The following PPP1R16B variants were observed in gnomAD, a reference collection of about 807,000 sequenced individuals.
PPP1R16B encodes the protein protein phosphatase 1 regulatory subunit 16B, also known as protein phosphatase 1 regulatory inhibitor subunit 16B.
Under a neutral mutation model 61.7 loss-of-function variants are expected in PPP1R16B, and 14 were observed. The ratio of observed to expected loss-of-function variants is 0.23; its 90% CI spans 0.15 to 0.35. The LOEUF is 0.35. Ranked by LOEUF, PPP1R16B falls within the 10% of genes least tolerant of loss-of-function variation. PPP1R16B has a pLI of 1.00. For missense variants in PPP1R16B, 547 were observed against 752.5 expected (o/e 0.73, Z 3.19); for synonymous variants, 266 against 305.3 (o/e 0.87, Z 1.34).
intron 2 of PPP1R16B, chr20:38,838,022 C>T (rs982906839): frequency 3.9e-5 from 6 of 152,242 alleles, no homozygotes; most frequent in African/African-American, 1.4e-4. Flanking sequence ...GGTTCAGAAC[C>T]TTGACCAAGG....
chr20:38,844,663 G>T (rs1011458612), intron 2 of PPP1R16B, among the ~76,000 whole-genome samples: 6 of 152,140 alleles, frequency 3.9e-5, no homozygotes, highest in Non-Finnish European at 7.4e-5. Flanking sequence ...AAGGGAAACT[G>T]GTATTGATTT....
At chr20:38,834,036 C>A (rs1302071055) in intron 1 of PPP1R16B, among the ~76,000 whole-genome samples, 1 of 152,200 alleles carries the variant, frequency 6.6e-6, no homozygotes, top group African/African-American at 2.4e-5. Flanking sequence ...CCATTCTTTC[C>A]TGTTACCCAA....
At chr20:38,897,246 G>A (rs1319536322) in intron 4 of PPP1R16B, among the ~76,000 whole-genome samples, 2 of 152,170 alleles carry the variant, frequency 1.3e-5, no homozygotes, top group African/African-American at 2.4e-5. Context: ...AGAATCGCTC[G>A]AACCCAGGAG....
At chr20:38,826,384 CT>C (rs2084805419) in intron 1 of PPP1R16B, among the ~76,000 whole-genome samples, 1 of 152,196 alleles carries the variant, frequency 6.6e-6, no homozygotes, top group Non-Finnish European at 1.5e-5. Context: ...GTGTGTGCCC[CT>C]GTCCTTGGCA....
Position 38,918,057 on chromosome 20 carries a change from A to G in PPP1R16B, c.1195-100A>G. 8 of 1,454,136 alleles carry G rather than the reference A, an allele frequency of 5.5e-6. No homozygotes were observed. The highest frequency in any genetic ancestry group is 7.5e-6 in the Non-Finnish European group (8 of 1,068,726). 90.1% of individuals were successfully genotyped at this position (1,454,136 alleles called of 1,614,324 possible). On this transcript the variant is annotated intron_variant, in intron 10 of 10. Transcript: ENST00000299824. The surrounding 1 kb of genome is among the most constrained non-coding windows in gnomAD (Gnocchi z 5.3). ...CGATACCCAGGGAGAGAAAACAGAT[A>G]GAGGAAAAGTCCAAACAATAATGCC...
chr20:38,912,431 G>A (rs1002220024), intron 10 of PPP1R16B, among the ~76,000 whole-genome samples: 1 of 151,104 alleles, frequency 6.6e-6, no homozygotes, highest in African/African-American at 2.4e-5. Flanking sequence ...ACTGAGGGAG[G>A]CTGAGGTGGG....
At chr20:38,833,065 A>T (rs745542540) in intron 1 of PPP1R16B, among the ~76,000 whole-genome samples, 3 of 152,208 alleles carry the variant, frequency 2.0e-5, no homozygotes, top group Non-Finnish European at 2.9e-5. Flanking sequence ...ATGTTCCTCA[A>T]TAGGTAAATG....
Position 38,806,486 on chromosome 20 carries a change from G to A in PPP1R16B, c.-102+694G>A, listed in dbSNP as rs1021469967. 1.3e-5 allele frequency among the ~76,000 whole-genome samples: 2 copies of A among 152,094 alleles called. No homozygotes were observed. The highest frequency in any genetic ancestry group is 2.4e-5 in the African/African-American group (1 of 41,440). On this transcript the variant is annotated intron_variant, in intron 1 of 10. Transcript: ENST00000299824. This position sits in a 1 kb window ranked among gnomAD's most constrained non-coding sequence, Gnocchi z 4.5. Reference sequence around the variant, plus strand: ...CGGCTGGGTCCCCCGCGCCAGGAGCGCTCCCCTCTGGGCGACTCCGGCTCA... The same window carrying A: ...CGGCTGGGTCCCCCGCGCCAGGAGCACTCCCCTCTGGGCGACTCCGGCTCA...
chr20:38,832,646 CG>C (rs1182720140), intron 1 of PPP1R16B, among the ~76,000 whole-genome samples: 1 of 152,104 alleles, frequency 6.6e-6, no homozygotes, highest in Non-Finnish European at 1.5e-5. Flanking sequence ...GTGCCAGGCG[CG>C]GGGGCTCACG....
At chr20:38,859,043 G>T (rs2085028525) in intron 2 of PPP1R16B, among the ~76,000 whole-genome samples, 1 of 152,180 alleles carries the variant, frequency 6.6e-6, no homozygotes. Context: ...GATCCAGGAA[G>T]CCGCCAGTTT....
intron 10 of PPP1R16B, among the ~76,000 whole-genome samples, chr20:38,911,997 TA>T (rs1473218082): frequency 6.6e-6 from 1 of 152,154 alleles, no homozygotes; most frequent in African/African-American, 2.4e-5. Flanking sequence ...GGCATATGTT[TA>T]GCTTTAGTGG....
At chr20:38,872,073 C>G (rs972057995) in intron 2 of PPP1R16B, among the ~76,000 whole-genome samples, 1 of 152,204 alleles carries the variant, frequency 6.6e-6, no homozygotes, top group Non-Finnish European at 1.5e-5. Context: ...CTCCCCAGCC[C>G]TGGACACCGT....
intron 10 of PPP1R16B, among the ~76,000 whole-genome samples, chr20:38,914,731 C>T (rs1409313293): frequency 6.6e-6 from 1 of 152,176 alleles, no homozygotes; most frequent in African/African-American, 2.4e-5. Context: ...TGCAATGGTA[C>T]AAACATGGCT....
chr20:38,831,311 G>A (rs927643735), intron 1 of PPP1R16B, among the ~76,000 whole-genome samples: 3 of 152,228 alleles, frequency 2.0e-5, no homozygotes, highest in African/African-American at 4.8e-5. Flanking sequence ...GGTCTCACGA[G>A]GAGGCCAGTC....
At chr20:38,807,104 C>T (rs1056287473) in intron 1 of PPP1R16B, among the ~76,000 whole-genome samples, 9 of 152,214 alleles carry the variant, frequency 5.9e-5, no homozygotes, top group Non-Finnish European at 8.8e-5. Context: ...CCGCAGGGCT[C>T]TCCCTGGAAA....
At chr20:38,870,688 C>T (rs1038579510) in intron 2 of PPP1R16B, among the ~76,000 whole-genome samples, 1 of 152,118 alleles carries the variant, frequency 6.6e-6, no homozygotes, top group Non-Finnish European at 1.5e-5. Flanking sequence ...GGCTGATGGC[C>T]CATACTGTAG....
At chr20:38,852,542 T>G (rs914151489) in intron 2 of PPP1R16B, among the ~76,000 whole-genome samples, 1 of 151,978 alleles carries the variant, frequency 6.6e-6, no homozygotes, top group Non-Finnish European at 1.5e-5. Flanking sequence ...CCTTGGAACC[T>G]CCCCCAAATC....
At chr20:38,909,458 A>G (rs1341528776) in intron 10 of PPP1R16B, among the ~76,000 whole-genome samples, 2 of 152,196 alleles carry the variant, frequency 1.3e-5, no homozygotes, top group Non-Finnish European at 2.9e-5. Flanking sequence ...GAGGGACACT[A>G]CTTAACCCAG....
rs142561041 is a variant in PPP1R16B at position 38,836,096 on chromosome 20, G to T, written c.171G>T (p.Thr57=). Residue 57 remains threonine, a synonymous_variant, in exon 2 of 11, where the codon ACG becomes ACT. Transcript: ENST00000299824. ...RKRKHERKRS[T]GGRRKKVSFE... The stretch of plus-strand genomic sequence containing the variant: ...GAAAGCATGAGCGGAAGCGCAGCAC[G>T]GGCGGCCGCCGCAAGAAAGTGTCCT... 10 of 1,611,848 alleles carry T rather than the reference G, an allele frequency of 6.2e-6. No homozygotes were observed. The South Asian group carries it at 1.1e-4, about 18-fold the overall frequency.
Sources: allele counts gnomAD v4.1 joint callset (sites outside exome capture counted in the v4.1 genomes callset), GRCh38; gene constraint gnomAD v4.1.1; non-coding constraint Gnocchi (gnomAD v3.1); transcripts MANE v1.5; gene names NCBI Gene and HGNC (gene_info 2026-07-23, HGNC 2026-07-21).